The following SUGT1 variants were observed in gnomAD, a reference collection of about 807,000 sequenced individuals.
The protein encoded by SUGT1 is protein SGT1 homolog.
Under a neutral mutation model 56.1 loss-of-function variants are expected in SUGT1, and 15 were observed. The observed-to-expected ratio is 0.27, with a 90% confidence interval of 0.18 to 0.41. The LOEUF (loss-of-function observed/expected upper bound fraction) is 0.41. SUGT1 is among the 10% of genes least tolerant of loss of function. The pLI, the probability that SUGT1 is intolerant of heterozygous loss-of-function variation, is 1.00. For synonymous variants in SUGT1, 123 were observed against 128.6 expected, an observed-to-expected ratio of 0.96 and a Z score of 0.30; for missense variants, 347 against 382.2, an observed-to-expected ratio of 0.91 and a Z score of 0.77.
rs552961610 is a variant in SUGT1, at chr13:52,659,975, A to C, written c.328+726A>C. On this transcript the variant is annotated intron_variant, in intron 5 of 12. Transcript: ENST00000310528. Reference sequence around the variant, plus strand: ...CCCCGAGTAGCTGGGACTACAGGCGACCACCACCACGCCCGGCCAATTTTT... The same window carrying C: ...CCCCGAGTAGCTGGGACTACAGGCGCCCACCACCACGCCCGGCCAATTTTT... 8.6e-4 allele frequency among the ~76,000 whole-genome samples: 130 copies of C among 150,572 alleles called. 6 individuals are homozygous for C. In the South Asian group the frequency reaches 0.024, roughly 28 times the overall value.
intron 12 of SUGT1, among the ~76,000 whole-genome samples, chr13:52,684,588 G>A (rs1023989612): frequency 5.3e-5 from 8 of 152,042 alleles, no homozygotes; most frequent in African/African-American, 1.9e-4. Context: ...GCCCAGAGGG[G>A]AGTGCAGTGG....
rs1412671533 is a variant in SUGT1, at chr13:52,696,912, T to C, written c.*9077T>C. The C allele has an allele frequency of 7.6e-6, 1 of 131,056 alleles. No individual in the cohort carries two copies. Among genetic ancestry groups the C allele is most frequent in the Admixed American group, 8.5e-5 (1 of 11,820 alleles). 8.1% of individuals were successfully genotyped at this position (131,056 alleles called of 1,614,324 possible). ...AATCAAAACCAGTGTGATATCCAAG[T>C]ACTTTTTTTTTTTTTTTTTTTTGCT... is the stretch of plus-strand genomic sequence containing the variant. On this transcript the variant is annotated 3_prime_UTR_variant, in exon 13 of 13. Transcript: ENST00000310528.
In SUGT1 at chr13:52,680,077, T is replaced by C. The variant is rs1963311002; in HGVS notation, c.822T>C (p.Asp274=). Residue 274 remains aspartate, a synonymous_variant, in exon 12 of 13, where the codon GAT becomes GAC. Coordinates refer to ENST00000310528, the MANE Select transcript of SUGT1 (RefSeq NM_006704.5). ...AAAAGAATGAAAAGTTGGAGGGAGA[T>C]GCAGCTTTAAACAGATTATTTCAGC... ...EEEKNEKLEG[D]AALNRLFQQI... The C allele has an allele frequency of 1.3e-6, 2 of 1,597,264 alleles. No homozygotes were observed. Among genetic ancestry groups the C allele is most frequent in the African/African-American group, 1.4e-5 (1 of 73,504 alleles).
intron 10 of SUGT1, among the ~76,000 whole-genome samples, chr13:52,670,838 C>A (rs775374449): frequency 3.9e-5 from 6 of 152,062 alleles, no homozygotes; most frequent in Admixed American, 2.0e-4. Context: ...AATTAGAATT[C>A]TCAGTCTTTT....
intron 8 of SUGT1, 27 bp from the exon 9 acceptor site, chr13:52,665,610 C>T: frequency 6.8e-7 from 1 of 1,476,370 alleles, no homozygotes; most frequent in Non-Finnish European, 9.1e-7. Flanking sequence ...AGAAGAGTTA[C>T]CTAAGTTTCT....
chr13:52,669,157 T>G (rs56373931), intron 10 of SUGT1, among the ~76,000 whole-genome samples: 2,087 of 152,334 alleles, frequency 0.014, 46 homozygotes, highest in African/African-American at 0.048. Flanking sequence ...TAGTAGTTTA[T>G]GTATACATTT....
In SUGT1 at chr13:52,666,179, G is replaced by A. The variant is rs148771407; in HGVS notation, c.519+446G>A. ...CGGCTCACTGCAGCCTCCTCCTCCT[G>A]GGTTCAAACAATTCTCCTGCCTCAG... is the stretch of plus-strand genomic sequence containing the variant. On this transcript the variant is annotated intron_variant, in intron 9 of 12. Transcript: ENST00000310528. Among the ~76,000 whole-genome samples, 948 of 152,274 alleles carry A rather than the reference G, an allele frequency of 6.2e-3. 9 individuals carry two copies. Among genetic ancestry groups the A allele is most frequent in the Non-Finnish European group, 9.7e-3 (662 of 68,022 alleles).
intron 9 of SUGT1, among the ~76,000 whole-genome samples, chr13:52,666,155 G>A (rs570476080): frequency 2.0e-5 from 3 of 152,240 alleles, no homozygotes; most frequent in East Asian, 1.9e-4. Context: ...GCGCAATTTC[G>A]GCTCACTGCA....
rs1964035183 is a variant in SUGT1, at chr13:52,699,883, A to G, written c.*12048A>G. ...TGCAAATGCAATGCTAGTAAAAAGTATATAGAGGTATGTCTTTCACACTAT... is the reference window on the plus strand; with the variant it reads ...TGCAAATGCAATGCTAGTAAAAAGTGTATAGAGGTATGTCTTTCACACTAT... On this transcript the variant is annotated 3_prime_UTR_variant, in exon 13 of 13. Transcript: ENST00000310528. 1 of 152,308 alleles carries G rather than the reference A, an allele frequency of 6.6e-6. No individual in the cohort carries two copies. The highest frequency in any genetic ancestry group is 2.1e-4 in the South Asian group (1 of 4,828). 9.4% of individuals were successfully genotyped at this position (152,308 alleles called of 1,614,324 possible).
At position 52,690,405 on chromosome 13, in the gene SUGT1, G is replaced by GTT. The variant is rs1305524166; in HGVS notation, c.*2571_*2572dup. ...TCCAATTTTCATTTCTCAAATTTTGGTTCTCAGTGCTGTTAGTATTAGTAG... is the reference window on the plus strand; with the variant it reads ...TCCAATTTTCATTTCTCAAATTTTGGTTTTCTCAGTGCTGTTAGTATTAGTAG... On this transcript the variant is annotated 3_prime_UTR_variant, in exon 13 of 13. Coordinates refer to ENST00000310528, the MANE Select transcript of SUGT1 (RefSeq NM_006704.5). The GTT allele has an allele frequency of 5.4e-4, 7 of 13,050 alleles. No individual in the cohort carries two copies. The East Asian group carries it at 0.061, about 114-fold the overall frequency. 0.8% of individuals were successfully genotyped at this position (13,050 alleles called of 1,614,324 possible).
chr13:52,674,862 A>G (rs1179427377), intron 10 of SUGT1, among the ~76,000 whole-genome samples: 1 of 152,254 alleles, frequency 6.6e-6, no homozygotes, highest in Non-Finnish European at 1.5e-5. Context: ...GAATAAAGAA[A>G]ACAAAAGGTA....
intron 10 of SUGT1, among the ~76,000 whole-genome samples, chr13:52,669,552 A>G (rs1962847015): frequency 6.6e-6 from 1 of 152,218 alleles, no homozygotes; most frequent in Non-Finnish European, 1.5e-5. Flanking sequence ...AGCCTGGCCT[A>G]GGAGACGTAG....
chr13:52,679,278 C>T (rs1389392083), intron 11 of SUGT1, among the ~76,000 whole-genome samples: 2 of 152,212 alleles, frequency 1.3e-5, no homozygotes, highest in East Asian at 3.8e-4. Context: ...CCAGTAGCCT[C>T]TCTCGCTGCA....
At chr13:52,657,962 C>A in intron 3 of SUGT1, 1 of 546,132 alleles carries the variant, frequency 1.8e-6, no homozygotes, top group Admixed American at 4.8e-5. Context: ...TGGCTCACGC[C>A]TGTAATCCCA....
chr13:52,684,418 T>G (rs1963495097), intron 12 of SUGT1, among the ~76,000 whole-genome samples: 1 of 25,016 alleles, frequency 4.0e-5, no homozygotes, highest in Non-Finnish European at 1.3e-4. Flanking sequence ...CCTCTATTTT[T>G]TTGTTCTACA....
chr13:52,653,168 C>G, intron 2 of SUGT1, 65 bp downstream of exon 2: 2 of 1,584,732 alleles, frequency 1.3e-6, no homozygotes, highest in South Asian at 2.2e-5. Context: ...CGGGTCCCCG[C>G]TGACCCGCCT....
chr13:52,673,387 C>A (rs1044426673), intron 10 of SUGT1, among the ~76,000 whole-genome samples: 3 of 152,054 alleles, frequency 2.0e-5, no homozygotes, highest in Non-Finnish European at 4.4e-5. Flanking sequence ...GCCAGGATTA[C>A]ACGTGTGAGC....
At position 52,687,751 on chromosome 13, in the gene SUGT1, A is replaced by G; in HGVS notation, c.918A>G (p.Thr306=). Reference sequence around the variant, plus strand: ...CATTGCAGATGGAGTCGGGTGGTACAGTTTTGAGTACCAACTGGTCTGATG... The same window carrying G: ...CATTGCAGATGGAGTCGGGTGGTACGGTTTTGAGTACCAACTGGTCTGATG... ...MNKSFMESGG[T]VLSTNWSDVG... Residue 306 remains threonine, a synonymous_variant, in exon 13 of 13, where the codon ACA becomes ACG. Coordinates refer to ENST00000310528, the MANE Select transcript of SUGT1 (RefSeq NM_006704.5). The G allele has an allele frequency of 6.3e-7, 1 of 1,598,934 alleles. No individual in the cohort carries two copies. The highest frequency in any genetic ancestry group is 1.1e-5 in the South Asian group (1 of 87,200).
intron 12 of SUGT1, among the ~76,000 whole-genome samples, chr13:52,682,171 A>G (rs570408049): frequency 6.6e-6 from 1 of 152,270 alleles, no homozygotes; most frequent in Admixed American, 6.5e-5. Flanking sequence ...TTTAAAAAAT[A>G]AATAAAAGTA....
Sources: gnomAD v4.1 joint callset for allele counts (sites outside exome capture counted in the v4.1 genomes callset) on GRCh38, gnomAD v4.1.1 for gene constraint, MANE v1.5 for transcripts, NCBI Gene and HGNC (gene_info 2026-07-23, HGNC 2026-07-21) for gene names.